Variants in RNF216 observed in about 807,000 individuals in gnomAD.
RNF216 encodes ring finger protein 216, also known as E3 ubiquitin-protein ligase RNF216.
Under a neutral mutation model 110.8 loss-of-function variants are expected in RNF216, and 72 were observed. That is an observed-to-expected ratio of 0.65 (90% confidence interval 0.54 to 0.79). The LOEUF (loss-of-function observed/expected upper bound fraction) is 0.79. Among genes scored for constraint, RNF216 ranks in the 30% least tolerant of loss-of-function variants. The probability of loss-of-function intolerance (pLI) is 0.00; values close to 1 mark genes in which losing one functional copy is unlikely to be tolerated. For synonymous variants in RNF216, 495 were observed against 407.5 expected, an observed-to-expected ratio of 1.21 and a Z score of -2.59; for missense variants, 1,342 against 1,141.2, an observed-to-expected ratio of 1.18 and a Z score of -2.54.
intron 13 of RNF216, among the ~76,000 whole-genome samples, chr7:5,695,097 T>C (rs946877998): frequency 6.6e-6 from 1 of 152,156 alleles, no homozygotes; most frequent in East Asian, 1.9e-4. Context: ...AGTTCATATA[T>C]AGCCAAGAAG....
At chr7:5,633,268 C>T (rs1363237120) in intron 15 of RNF216, among the ~76,000 whole-genome samples, 1 of 151,950 alleles carries the variant, frequency 6.6e-6, no homozygotes, top group African/African-American at 2.4e-5. Flanking sequence ...TGAGCCACTG[C>T]GCCCAGCTGG....
chr7:5,697,532 C>T (rs889517985), intron 13 of RNF216, among the ~76,000 whole-genome samples: 4 of 152,162 alleles, frequency 2.6e-5, no homozygotes, highest in Non-Finnish European at 5.9e-5. Flanking sequence ...CATGGCTGGG[C>T]TAAGGCTTTT....
At chr7:5,719,054 ATAT>A (rs10568093) in intron 9 of RNF216, among the ~76,000 whole-genome samples, 124,340 of 151,908 alleles carry the variant, frequency 0.82, 52,804 homozygotes, top group Non-Finnish European at 0.92. Flanking sequence ...AATGTTATTA[ATAT>A]TATTAAGAAC....
At chr7:5,769,027 T>C (rs565191947) in intron 1 of RNF216, among the ~76,000 whole-genome samples, 27 of 151,730 alleles carry the variant, frequency 1.8e-4, no homozygotes, top group Non-Finnish European at 4.4e-5. Context: ...CTATTTTGAC[T>C]AAATAAACTG....
intron 1 of RNF216, among the ~76,000 whole-genome samples, chr7:5,768,013 A>T (rs1273674119): frequency 1.3e-5 from 2 of 152,126 alleles, no homozygotes; most frequent in African/African-American, 2.4e-5. Flanking sequence ...GCAAAATGAA[A>T]ACAGACTTAA....
chr7:5,769,046 T>C (rs928976173), intron 1 of RNF216, among the ~76,000 whole-genome samples: 3 of 151,048 alleles, frequency 2.0e-5, no homozygotes, highest in Non-Finnish European at 4.4e-5. Flanking sequence ...TGAAAGATAA[T>C]GAAAACAAAA....
At chr7:5,753,259 T>C (rs138332803) in intron 2 of RNF216, among the ~76,000 whole-genome samples, 378 of 152,344 alleles carry the variant, frequency 2.5e-3, no homozygotes, top group African/African-American at 8.4e-3. Flanking sequence ...GTTTACAAAA[T>C]TTTCTTGACT....
intron 5 of RNF216, among the ~76,000 whole-genome samples, chr7:5,738,637 G>A (rs544762172): frequency 3.3e-5 from 5 of 150,630 alleles, no homozygotes; most frequent in Middle Eastern, 3.4e-3. Context: ...GAACCTGGGA[G>A]GCGGAGCTTG....
At chr7:5,695,630 C>T (rs897611782) in intron 13 of RNF216, among the ~76,000 whole-genome samples, 1 of 152,146 alleles carries the variant, frequency 6.6e-6, no homozygotes, top group African/African-American at 2.4e-5. Flanking sequence ...GCAGTGGTGC[C>T]GAGAGAGATG....
At chr7:5,645,435 T>G (rs997886653) in intron 14 of RNF216, among the ~76,000 whole-genome samples, 1 of 152,196 alleles carries the variant, frequency 6.6e-6, no homozygotes, top group African/African-American at 2.4e-5. Flanking sequence ...TCATTCATTT[T>G]TCTTTCTGCT....
intron 13 of RNF216, among the ~76,000 whole-genome samples, chr7:5,676,669 C>T (rs899544319): frequency 2.0e-5 from 3 of 152,204 alleles, no homozygotes; most frequent in South Asian, 2.1e-4. Context: ...GAGCAGCTTC[C>T]GGCTGAAAAG....
intron 13 of RNF216, among the ~76,000 whole-genome samples, chr7:5,658,341 C>T (rs1323387247): frequency 1.3e-5 from 2 of 152,108 alleles, no homozygotes; most frequent in South Asian, 2.1e-4. Context: ...TTAATAAGCA[C>T]AAAGTTTTCA....
At chr7:5,658,956 C>T (rs900069037) in intron 13 of RNF216, among the ~76,000 whole-genome samples, 11 of 152,044 alleles carry the variant, frequency 7.2e-5, no homozygotes, top group Admixed American at 6.5e-4. Flanking sequence ...CAGAATACTT[C>T]CATTAATTAG....
In RNF216 at chr7:5,667,902, G is replaced by A. The variant is rs189216164; in HGVS notation, c.2062-15392C>T. Among the ~76,000 whole-genome samples, 4 of 152,324 alleles carry A rather than the reference G, an allele frequency of 2.6e-5. No individual in the cohort carries two copies. The East Asian group carries it at 7.7e-4, about 29-fold the overall frequency. On this transcript the variant is annotated intron_variant, in intron 13 of 16. Coordinates refer to ENST00000389902, the MANE Select transcript of RNF216 (RefSeq NM_207111.4). Reference sequence around the variant, plus strand: ...AGCCACTGGGGTCTGGGCATGGGATGGGAAGGAGGAAGTCGAGGCTTCATC... The same window carrying A: ...AGCCACTGGGGTCTGGGCATGGGATAGGAAGGAGGAAGTCGAGGCTTCATC...
At chr7:5,765,546 C>T (rs1019867296) in intron 1 of RNF216, among the ~76,000 whole-genome samples, 15 of 151,952 alleles carry the variant, frequency 9.9e-5, no homozygotes, top group African/African-American at 3.6e-4. Context: ...AGGAGGACTG[C>T]TTGAGCCCAG....
intron 15 of RNF216, among the ~76,000 whole-genome samples, chr7:5,631,552 G>A (rs938169008): frequency 1.3e-5 from 2 of 152,116 alleles, no homozygotes; most frequent in African/African-American, 4.8e-5. Flanking sequence ...TTCCTTGCCT[G>A]ACATGTTTTC....
In RNF216 at chr7:5,781,536, C is replaced by G. The variant is rs1020636622; in HGVS notation, c.-70+5G>C. 5.9e-5 allele frequency: 9 copies of G among 152,402 alleles called. No homozygotes were observed. Among genetic ancestry groups the G allele is most frequent in the African/African-American group, 1.9e-4 (8 of 41,572 alleles). The allele number at this position is 152,402 out of a possible 1,614,324, so 9.4% of individuals were successfully genotyped here. On this transcript the variant is annotated splice_donor_5th_base_variant and intron_variant, in intron 1 of 16. Transcript: ENST00000389902. ...GCTCGAGCGCGCCCCGCAGCCGACACTCACTCGTCACTCAAGTCGCCGGCT... is the reference window on the plus strand; with the variant it reads ...GCTCGAGCGCGCCCCGCAGCCGACAGTCACTCGTCACTCAAGTCGCCGGCT...
At chr7:5,747,935 T>C (rs1030214903) in intron 3 of RNF216, among the ~76,000 whole-genome samples, 24 of 152,114 alleles carry the variant, frequency 1.6e-4, no homozygotes, top group African/African-American at 5.8e-4. Flanking sequence ...TGAGCCACTG[T>C]GTCTGCCCTG....
intron 8 of RNF216, among the ~76,000 whole-genome samples, chr7:5,724,990 C>G (rs1793660011): frequency 6.6e-6 from 1 of 152,172 alleles, no homozygotes; most frequent in Admixed American, 6.5e-5. Context: ...TAGTTTTTAC[C>G]TAATAACACA....
Sources: gnomAD v4.1 joint callset for allele counts (sites outside exome capture counted in the v4.1 genomes callset) on GRCh38, gnomAD v4.1.1 for gene constraint, MANE v1.5 for transcripts, NCBI Gene and HGNC (gene_info 2026-07-23, HGNC 2026-07-21) for gene names.